The following CPNE1 variants were observed in gnomAD, a reference collection of about 807,000 sequenced individuals.
The protein encoded by CPNE1 is copine 1, also known as copine-1.
Under a neutral mutation model 63.2 loss-of-function variants are expected in CPNE1, and 58 were observed. That is an observed-to-expected ratio of 0.92 (90% CI 0.74 to 1.14). The LOEUF is 1.14. Ranked by LOEUF, CPNE1 falls within the 50% of genes most tolerant of loss-of-function variation. The pLI, the probability that CPNE1 is intolerant of heterozygous loss-of-function variation, is 0.00. For synonymous variants in CPNE1, 237 were observed against 249.0 expected, an observed-to-expected ratio of 0.95 and a Z score of 0.45; for missense variants, 672 against 661.7, an observed-to-expected ratio of 1.02 and a Z score of -0.17.
At chr20:35,634,450 C>T (rs901218493) in intron 1 of CPNE1, among the ~76,000 whole-genome samples, 1 of 150,642 alleles carries the variant, frequency 6.6e-6, no homozygotes, top group African/African-American at 2.5e-5. Flanking sequence ...AAAAAATTAG[C>T]TGGTATGGTG....
intron 1 of CPNE1, chr20:35,643,351 C>G (rs979455185): frequency 1.3e-5 from 2 of 152,250 alleles, no homozygotes; most frequent in African/African-American, 4.8e-5. Context: ...CCTGCTAGAA[C>G]CTGCAAACAG....
intron 1 of CPNE1, among the ~76,000 whole-genome samples, chr20:35,658,075 A>C (rs2034009214): frequency 6.6e-6 from 1 of 150,400 alleles, no homozygotes; most frequent in African/African-American, 2.5e-5. Flanking sequence ...AAAACAAATA[A>C]AAATTTAAAA....
chr20:35,653,317 C>G, intron 1 of CPNE1: 1 of 1,613,844 alleles, frequency 6.2e-7, no homozygotes, highest in Non-Finnish European at 8.5e-7. Context: ...CAGGCCTGCA[C>G]CGGGAAGTCC....
At chr20:35,638,975 C>A (rs910713645) in intron 1 of CPNE1, among the ~76,000 whole-genome samples, 2 of 152,078 alleles carry the variant, frequency 1.3e-5, no homozygotes, top group Non-Finnish European at 2.9e-5. Context: ...GCAGAGAGCT[C>A]CCAGTGGAAA....
At chr20:35,628,097 C>A (rs961221055) in intron 13 of CPNE1, among the ~76,000 whole-genome samples, 1 of 151,444 alleles carries the variant, frequency 6.6e-6, no homozygotes, top group African/African-American at 2.4e-5. Flanking sequence ...CCAGCTAACA[C>A]AGTGAAACCC....
chr20:35,652,846 C>G, intron 1 of CPNE1: 2 of 1,610,092 alleles, frequency 1.2e-6, no homozygotes, highest in Non-Finnish European at 1.7e-6. Flanking sequence ...GGGGCCAGGC[C>G]CAAAAGCTGG....
At chr20:35,627,678 C>T in intron 13 of CPNE1, 1 of 352,524 alleles carries the variant, frequency 2.8e-6, no homozygotes, top group Non-Finnish European at 5.2e-6. Flanking sequence ...GTTTGAGCAT[C>T]AGATTATAAC....
At chr20:35,640,566 C>T (rs998040619) in intron 1 of CPNE1, among the ~76,000 whole-genome samples, 1 of 152,156 alleles carries the variant, frequency 6.6e-6, no homozygotes, top group African/African-American at 2.4e-5. Flanking sequence ...CTCTCAGTCC[C>T]CTCCTATCTG....
chr20:35,652,745 C>G, intron 1 of CPNE1: 1 of 1,613,510 alleles, frequency 6.2e-7, no homozygotes, highest in Non-Finnish European at 8.5e-7. Context: ...ATGTTTTGCA[C>G]TTTAATTACT....
At position 35,627,410 on chromosome 20, in the gene CPNE1, A is replaced by G; in HGVS notation, c.1106T>C (p.Ile369Thr). ...FNPSNPYCAGIQGIVDAYRQA... is the reference protein window; with the variant it reads ...FNPSNPYCAGTQGIVDAYRQA... ...GCGGTAGGCATCCACAATGCCCTGG[A>G]TGCCTGCAGAGGAGAGCAAGAAATA... The change falls in exon 14 of 16, where the codon ATC (isoleucine) becomes ACC (threonine). Residue 369 changes from isoleucine to threonine, a missense_variant. Coordinates refer to ENST00000397443, the MANE Select transcript of CPNE1 (RefSeq NM_152925.3). 1.2e-6 allele frequency: 2 copies of G among 1,613,938 alleles called. No individual in the cohort carries two copies. The highest frequency in any genetic ancestry group is 1.7e-6 in the Non-Finnish European group (2 of 1,179,984).
chr20:35,627,774 T>C (rs1316540300), intron 13 of CPNE1, among the ~76,000 whole-genome samples: 1 of 152,036 alleles, frequency 6.6e-6, no homozygotes, highest in Non-Finnish European at 1.5e-5. Flanking sequence ...CTAATAAATG[T>C]AAAAGGAAGA....
intron 1 of CPNE1, among the ~76,000 whole-genome samples, chr20:35,640,962 A>G (rs1328052858): frequency 6.6e-6 from 1 of 152,168 alleles, no homozygotes; most frequent in Non-Finnish European, 1.5e-5. Flanking sequence ...GGTGTTGCGA[A>G]TGGAACAGCT....
intron 1 of CPNE1, among the ~76,000 whole-genome samples, chr20:35,655,500 T>G (rs1051618402): frequency 6.6e-5 from 10 of 152,184 alleles, no homozygotes; most frequent in Admixed American, 1.3e-4. Context: ...AAACTGAACA[T>G]TACGTGCCAT....
chr20:35,635,739 C>T (rs1427903458), intron 1 of CPNE1, among the ~76,000 whole-genome samples: 4 of 152,294 alleles, frequency 2.6e-5, no homozygotes, highest in South Asian at 2.1e-4. Context: ...ATGCCTCCAG[C>T]GTCAGCCCTC....
chr20:35,633,709 T>C (rs1302913358), intron 1 of CPNE1, among the ~76,000 whole-genome samples: 4 of 152,122 alleles, frequency 2.6e-5, no homozygotes, highest in Non-Finnish European at 5.9e-5. Flanking sequence ...TCCTGGCACT[T>C]TGGGAGGCCA....
intron 1 of CPNE1, among the ~76,000 whole-genome samples, chr20:35,642,680 G>C (rs6060532): frequency 6.6e-6 from 1 of 152,162 alleles, no homozygotes; most frequent in African/African-American, 2.4e-5. Flanking sequence ...GCAGCTCTAA[G>C]GATATTCCTC....
intron 1 of CPNE1, among the ~76,000 whole-genome samples, chr20:35,664,008 T>C (rs1427415327): frequency 6.6e-6 from 1 of 152,184 alleles, no homozygotes; most frequent in Non-Finnish European, 1.5e-5. Context: ...GCCCCTTCCC[T>C]ACTGGGGGAC....
At chr20:35,634,415 G>A (rs1277736124) in intron 1 of CPNE1, among the ~76,000 whole-genome samples, 3 of 151,502 alleles carry the variant, frequency 2.0e-5, no homozygotes, top group African/African-American at 7.3e-5. Context: ...CCAACATGGT[G>A]AAACCCTGTC....
At chr20:35,656,742 G>A (rs1411633437) in intron 1 of CPNE1, among the ~76,000 whole-genome samples, 2 of 148,172 alleles carry the variant, frequency 1.3e-5, no homozygotes, top group Non-Finnish European at 3.0e-5. Flanking sequence ...CCTGACCTCA[G>A]GTGATCCACC....
Sources: gnomAD v4.1 joint callset for allele counts (sites outside exome capture counted in the v4.1 genomes callset) on GRCh38, gnomAD v4.1.1 for gene constraint, MANE v1.5 for transcripts, NCBI Gene and HGNC (gene_info 2026-07-23, HGNC 2026-07-21) for gene names.